The following ATL3 variants were observed in gnomAD, a reference collection of about 807,000 sequenced individuals.
The protein encoded by ATL3 is atlastin-3.
In ATL3, 49 loss-of-function variants were observed where a neutral mutation model predicts 69.5. The observed-to-expected ratio is 0.71, with a 90% confidence interval of 0.56 to 0.89. ATL3 has a LOEUF of 0.89. ATL3 is among the 40% of genes least tolerant of loss of function. The pLI is 0.00. For missense variants in ATL3, 606 were observed against 645.7 expected, an observed-to-expected ratio of 0.94 and a Z score of 0.67; for synonymous variants, 214 against 224.1, an observed-to-expected ratio of 0.95 and a Z score of 0.40.
chr11:63,644,384 T>A, intron 6 of ATL3, 123 bp from the exon 7 acceptor site: 1 of 265,290 alleles, frequency 3.8e-6, no homozygotes, highest in Non-Finnish European at 6.9e-6. Flanking sequence ...GGATTTACCT[T>A]TTTTTTTTTT....
At position 63,625,707 on chromosome 11, in the gene ATL3, C is replaced by G. The variant is rs1332006829; in HGVS notation, c.*3612G>C. ...AGAGAAAAAATAAAGCAAAACAAGG[C>G]CAGGTTCCAGTGGCTCACGCCTGTA... On this transcript the variant is annotated 3_prime_UTR_variant, in exon 13 of 13. Transcript: ENST00000398868. 3.3e-5 allele frequency: 5 copies of G among 152,220 alleles called. No individual in the cohort carries two copies. The highest frequency in any genetic ancestry group is 3.3e-4 in the Admixed American group (5 of 15,268). The allele number at this position is 152,220 out of a possible 1,614,324, so 9.4% of individuals were successfully genotyped here.
rs879791369 is a variant in ATL3, at chr11:63,665,866, C to CA, written c.46+5423dup. Among the ~76,000 whole-genome samples the CA allele has an allele frequency of 1.4e-3, 191 of 136,450 alleles. 1 individual carries two copies. The highest frequency in any genetic ancestry group is 6.3e-3 in the East Asian group (30 of 4,766). 89.5% of individuals were successfully genotyped at this position (136,450 alleles called of 152,430 possible). On this transcript the variant is annotated intron_variant, in intron 1 of 12. Transcript: ENST00000398868. ...AGGACAACAGAGCAAGACCCTGTCT[C>CA]AAAAAAAAAAAAAGATGTTGTTCAC...
At chr11:63,636,599 C>T (rs543340015) in intron 8 of ATL3, among the ~76,000 whole-genome samples, 2 of 151,918 alleles carry the variant, frequency 1.3e-5, no homozygotes, top group African/African-American at 2.4e-5. Flanking sequence ...ACTAGCCAGG[C>T]GTGGTGGCAG....
chr11:63,631,334 C>T lies in ATL3; in HGVS notation c.1245G>A (p.Gln415=), dbSNP rs372379393. 2 of 1,614,094 alleles carry T rather than the reference C, an allele frequency of 1.2e-6. No individual in the cohort carries two copies. The highest frequency in any genetic ancestry group is 2.7e-5 in the African/African-American group (2 of 74,938). The stretch of plus-strand genomic sequence containing the variant: ...ATTCCTTGATTTCCTCCTCCAGCTC[C>T]TGCTGGTAACGAAAGCTGAAATCCT... The part of the protein sequence containing the change: ...GGKDFSFRYQ[Q]ELEEEIKELY... Residue 415 remains glutamine (Q), a synonymous_variant, in exon 12 of 13, where the codon CAG becomes CAA. Coordinates refer to ENST00000398868, the MANE Select transcript of ATL3 (RefSeq NM_015459.5).
chr11:63,641,925 T>G (rs896475093), intron 8 of ATL3, among the ~76,000 whole-genome samples: 11 of 152,208 alleles, frequency 7.2e-5, no homozygotes, highest in African/African-American at 2.4e-4. Context: ...GGATAATCAC[T>G]AGGAGTCACT....
chr11:63,654,894 TA>T (rs531751594), intron 3 of ATL3, among the ~76,000 whole-genome samples: 20,488 of 133,474 alleles, frequency 0.15, 1,493 homozygotes, highest in Middle Eastern at 0.19. Context: ...CAAGACTGTC[TA>T]AAAAAAAAAA....
intron 11 of ATL3, chr11:63,632,799 T>TA: frequency 1.3e-6 from 1 of 768,490 alleles, no homozygotes; most frequent in Non-Finnish European, 2.2e-6. Context: ...ACTATGTACT[T>TA]ACCAATAAAC....
intron 1 of ATL3, among the ~76,000 whole-genome samples, chr11:63,665,879 A>AT (rs778837235): frequency 6.6e-5 from 10 of 152,062 alleles, no homozygotes; most frequent in Admixed American, 4.6e-4. Context: ...AAAAAAAAAA[A>AT]GATGTTGTTC....
chr11:63,662,386 T>C (rs1940449287), intron 1 of ATL3, among the ~76,000 whole-genome samples: 1 of 152,210 alleles, frequency 6.6e-6, no homozygotes, highest in Non-Finnish European at 1.5e-5. Flanking sequence ...TAAAAGGACA[T>C]AGTAATTTTA....
chr11:63,636,070 C>A, intron 9 of ATL3, 137 bp downstream of exon 9: 2 of 1,083,432 alleles, frequency 1.8e-6, no homozygotes, highest in East Asian at 2.5e-5. Flanking sequence ...GGAAGGACAC[C>A]AAGGTCTCTG....
chr11:63,642,013 T>C (rs1176132743), intron 8 of ATL3, among the ~76,000 whole-genome samples: 2 of 152,168 alleles, frequency 1.3e-5, no homozygotes, highest in Non-Finnish European at 2.9e-5. Flanking sequence ...CAAATCTGAG[T>C]TCAGGTTGGG....
chr11:63,631,620 A>C lies in ATL3; in HGVS notation c.1108-149T>G. On this transcript the variant is annotated intron_variant, in intron 11 of 12. Transcript: ENST00000398868. ...CTTTTAAAAGATGACTAAGACCAATAAAGTCTAGTTTCACTTCCTCTGAAA... is the reference window on the plus strand; with the variant it reads ...CTTTTAAAAGATGACTAAGACCAATCAAGTCTAGTTTCACTTCCTCTGAAA... 4.0e-6 allele frequency: 3 copies of C among 749,558 alleles called. No homozygotes were observed. In the South Asian group the frequency reaches 5.9e-5, roughly 15 times the overall value. 46.4% of individuals were successfully genotyped at this position (749,558 alleles called of 1,614,324 possible). A position where few individuals can be genotyped will look rare whatever the true frequency, so the allele number is the denominator to read the frequency against.
At chr11:63,655,524 T>TGCAACC (rs1410564059) in intron 3 of ATL3, among the ~76,000 whole-genome samples, 1 of 150,590 alleles carries the variant, frequency 6.6e-6, no homozygotes, top group Non-Finnish European at 1.5e-5. Flanking sequence ...CTCGGCTCAC[T>TGCAACC]GCAACCTCCA....
chr11:63,670,994 A>G (rs1281547604), intron 1 of ATL3, among the ~76,000 whole-genome samples: 1 of 152,028 alleles, frequency 6.6e-6, no homozygotes, highest in Non-Finnish European at 1.5e-5. Context: ...GCCCAGGGGC[A>G]GCTGCAGCCC....
intron 1 of ATL3, among the ~76,000 whole-genome samples, 178 bp from the exon 2 acceptor site, chr11:63,659,430 T>C (rs1940357657): frequency 6.6e-6 from 1 of 152,088 alleles, no homozygotes; most frequent in Admixed American, 6.6e-5. Context: ...AGTTTCAGAC[T>C]AGCCTGGGAA....
intron 3 of ATL3, among the ~76,000 whole-genome samples, chr11:63,656,944 G>C (rs1940270091): frequency 6.6e-6 from 1 of 152,002 alleles, no homozygotes; most frequent in South Asian, 2.1e-4. Context: ...AGGTGTGGTG[G>C]CTCACCCCTG....
In ATL3 at chr11:63,643,442, T is replaced by C. The variant is rs1370239690; in HGVS notation, c.765A>G (p.Ser255=). The C allele has an allele frequency of 6.2e-7, 1 of 1,612,710 alleles. No individual in the cohort carries two copies. Among genetic ancestry groups the C allele is most frequent in the African/African-American group, 1.3e-5 (1 of 74,878 alleles). The change falls in exon 8 of 13, where the codon TCA becomes TCG. Residue 255 remains serine (S), a synonymous_variant. Coordinates refer to ENST00000398868, the MANE Select transcript of ATL3 (RefSeq NM_015459.5). ...GAAAGCAGGTGACATCGGAGAAACA[T>C]GAGTGAATGTGATTTCGAACATTCT... is the stretch of plus-strand genomic sequence containing the variant. ...EIQNVRNHIH[S]CFSDVTCFLL...
chr11:63,671,736 G>C (rs2134557443), upstream of ATL3: 1 of 1,229,994 alleles, frequency 8.1e-7, no homozygotes, highest in Middle Eastern at 2.2e-4. Context: ...CATCTGGGGC[G>C]GGGCTTGGCG....
chr11:63,665,929 G>A (rs1590747395), intron 1 of ATL3, among the ~76,000 whole-genome samples: 2 of 152,112 alleles, frequency 1.3e-5, no homozygotes, highest in South Asian at 2.1e-4. Flanking sequence ...TGTAAGGGAA[G>A]AATTATTTTG....
Sources: allele counts gnomAD v4.1 joint callset (sites outside exome capture counted in the v4.1 genomes callset), GRCh38; gene constraint gnomAD v4.1.1; transcripts MANE v1.5; gene names NCBI Gene and HGNC (gene_info 2026-07-23, HGNC 2026-07-21).